DCAF5: variants seen among roughly 807,000 people sequenced by gnomAD.
DCAF5 encodes DDB1 and CUL4 associated factor 5.
A neutral mutation model predicts 80.7 loss-of-function variants in DCAF5; 9 were observed. That is an observed-to-expected ratio of 0.11 (90% CI 0.07 to 0.19). DCAF5 has a LOEUF of 0.19. Among genes scored for constraint, DCAF5 ranks in the 10% least tolerant of loss-of-function variants. The pLI, the probability that DCAF5 is intolerant of heterozygous loss-of-function variation, is 1.00. For missense variants in DCAF5, 842 were observed against 1,205.7 expected (o/e 0.70, Z 4.47); for synonymous variants, 433 against 461.9 (o/e 0.94, Z 0.80).
chr14:69,148,218 C>T (rs116864930), intron 1 of DCAF5, among the ~76,000 whole-genome samples: 2 of 151,560 alleles, frequency 1.3e-5, no homozygotes, highest in South Asian at 2.1e-4. Context: ...CAACCAAAGA[C>T]CTAAAGGGTA....
Position 69,080,562 on chromosome 14 carries a change from T to C in DCAF5, c.880-5151A>G, listed in dbSNP as rs73277022. Among the ~76,000 whole-genome samples, 1,045 of 152,306 alleles carry C rather than the reference T, an allele frequency of 6.9e-3. 13 individuals carry two copies. Among genetic ancestry groups the C allele is most frequent in the African/African-American group, 0.024 (1,002 of 41,550 alleles). ...TTTTCTCTCTGTCTTTTCTTTTATC[T>C]TGATGATCTAATTTCAAATAGTACC... On this transcript the variant is annotated intron_variant, in intron 6 of 8. Coordinates refer to ENST00000341516, the MANE Select transcript of DCAF5 (RefSeq NM_003861.3).
chr14:69,115,320 C>T (rs936345316), intron 5 of DCAF5, among the ~76,000 whole-genome samples: 4 of 152,136 alleles, frequency 2.6e-5, no homozygotes, highest in African/African-American at 9.7e-5. Flanking sequence ...CAGGGACACA[C>T]CTCTGGGCTA....
intron 1 of DCAF5, among the ~76,000 whole-genome samples, chr14:69,130,863 A>T (rs1231748707): frequency 1.3e-5 from 2 of 152,212 alleles, no homozygotes; most frequent in African/African-American, 2.4e-5. Flanking sequence ...GACTTGATTC[A>T]AATCTTGGTT....
rs755596230 is a variant in DCAF5 at position 69,122,243 on chromosome 14, C to T, written c.332G>A (p.Ser111Asn). 1.2e-6 allele frequency: 2 copies of T among 1,613,914 alleles called. No individual in the cohort carries two copies. Among genetic ancestry groups the T allele is most frequent in the South Asian group, 1.1e-5 (1 of 91,038 alleles). The change falls in exon 2 of 9, where the codon AGT (serine) becomes AAT (asparagine). Residue 111 changes from serine to asparagine, a missense_variant. Ser to Asn is a conservative substitution (Grantham distance 46). This residue lies in a region of DCAF5 where 142 missense variants were observed against 311.9 expected (regional missense o/e 0.46). Coordinates refer to ENST00000341516, the MANE Select transcript of DCAF5 (RefSeq NM_003861.3). The part of the protein sequence containing the change: ...HSNIFCLAFN[S>N]GNTKVFSGGN... ...TCCAGAGAACACTTTAGTGTTCCCA[C>T]TGTTGAAAGCCAGGCAAAAAATGTT...
chr14:69,085,986 TCA>T (rs2039303730), intron 6 of DCAF5, among the ~76,000 whole-genome samples: 1 of 152,332 alleles, frequency 6.6e-6, no homozygotes, highest in Admixed American at 6.5e-5. Flanking sequence ...ATTTGCCGTT[TCA>T]CACTACTGTC....
intron 1 of DCAF5, among the ~76,000 whole-genome samples, chr14:69,139,076 A>C (rs2041277814): frequency 6.6e-6 from 1 of 152,178 alleles, no homozygotes; most frequent in South Asian, 2.1e-4. Flanking sequence ...ACTTGAGCCA[A>C]GGAGGCAGAG....
intron 1 of DCAF5, among the ~76,000 whole-genome samples, chr14:69,148,898 A>G (rs2041624517): frequency 1.3e-5 from 2 of 152,216 alleles, no homozygotes; most frequent in Admixed American, 6.5e-5. Context: ...CTCAAATCAC[A>G]TGACATCAAA....
At chr14:69,119,939 A>C (rs1566772284) in intron 2 of DCAF5, among the ~76,000 whole-genome samples, 1 of 152,214 alleles carries the variant, frequency 6.6e-6, no homozygotes, top group Non-Finnish European at 1.5e-5. Context: ...ATAAGAGTAC[A>C]TCTGTAAAAG....
intron 1 of DCAF5, among the ~76,000 whole-genome samples, chr14:69,139,826 CAAAA>C (rs553940292): frequency 1.8e-5 from 1 of 55,328 alleles, no homozygotes; most frequent in Non-Finnish European, 3.5e-5. Context: ...GACCCTGTCT[CAAAA>C]AAAAAAAAAA....
intron 5 of DCAF5, among the ~76,000 whole-genome samples, chr14:69,102,273 T>C (rs963805130): frequency 6.6e-5 from 10 of 151,886 alleles, no homozygotes; most frequent in Non-Finnish European, 1.3e-4. Flanking sequence ...CATGCCCGGC[T>C]AATTTTTGTA....
chr14:69,087,760 T>C (rs1361703233), intron 6 of DCAF5, among the ~76,000 whole-genome samples: 1 of 152,148 alleles, frequency 6.6e-6, no homozygotes, highest in Non-Finnish European at 1.5e-5. Flanking sequence ...ATATATGCTC[T>C]CTTATTTTAA....
chr14:69,121,017 G>A (rs1216536176), intron 2 of DCAF5, among the ~76,000 whole-genome samples: 1 of 152,176 alleles, frequency 6.6e-6, no homozygotes, highest in East Asian at 1.9e-4. Context: ...GGGAATTGGT[G>A]GGGACTGGAC....
chr14:69,060,417 AC>A (rs2038161471), intron 8 of DCAF5, among the ~76,000 whole-genome samples: 1 of 152,210 alleles, frequency 6.6e-6, no homozygotes, highest in African/African-American at 2.4e-5. Context: ...TTCTAGCCCC[AC>A]GGGGAAATGT....
intron 1 of DCAF5, among the ~76,000 whole-genome samples, chr14:69,137,470 A>G (rs1366306208): frequency 6.6e-6 from 1 of 152,212 alleles, no homozygotes; most frequent in East Asian, 1.9e-4. Context: ...ACATAAGAAC[A>G]CTGCCTGCCT....
chr14:69,107,906 G>T (rs1173649967), intron 5 of DCAF5, among the ~76,000 whole-genome samples: 5 of 152,152 alleles, frequency 3.3e-5, no homozygotes, highest in African/African-American at 1.2e-4. Context: ...AGGCACTAGA[G>T]ATTAAAGATG....
chr14:69,054,409 C>T lies in DCAF5; in HGVS notation c.2277G>A (p.Glu759=). The change falls in exon 9 of 9, where the codon GAG becomes GAA. Residue 759 remains glutamate, a synonymous_variant. Coordinates refer to ENST00000341516, the MANE Select transcript of DCAF5 (RefSeq NM_003861.3). ...TATTGCCAGTGTCCTGAGAGGTACC[C>T]TCTGGCACCTCTGCCCAAGCATGGC... The part of the protein sequence containing the change: ...HSSHAWAEVP[E]GTSQDTGNSG... 1 of 1,614,064 alleles carries T rather than the reference C, an allele frequency of 6.2e-7. No homozygotes were observed. Among genetic ancestry groups the T allele is most frequent in the Non-Finnish European group, 8.5e-7 (1 of 1,180,040 alleles).
Position 69,055,492 on chromosome 14 carries a change from A to G in DCAF5, c.1194T>C (p.Ser398=). The stretch of plus-strand genomic sequence containing the variant: ...GGTTGGCGTAGTCATGCGACAGGCC[A>G]CTCCCACTGTTCAGCACAAGGCTGA... ...EYISLVLNSG[S]GLSHDYANQS... is the part of the protein sequence containing the mutation. The change falls in exon 9 of 9, where the codon AGT becomes AGC. Residue 398 remains serine (S), a synonymous_variant. Coordinates refer to ENST00000341516, the MANE Select transcript of DCAF5 (RefSeq NM_003861.3). This position sits in a 1 kb window ranked among gnomAD's most constrained non-coding sequence, Gnocchi z 5.6. 1 of 1,613,910 alleles carries G rather than the reference A, an allele frequency of 6.2e-7. No individual in the cohort carries two copies. Among genetic ancestry groups the G allele is most frequent in the Non-Finnish European group, 8.5e-7 (1 of 1,179,988 alleles).
intron 5 of DCAF5, among the ~76,000 whole-genome samples, chr14:69,112,983 G>C (rs552935806): frequency 6.6e-6 from 1 of 152,160 alleles, no homozygotes; most frequent in African/African-American, 2.4e-5. Flanking sequence ...CAATGAGGAA[G>C]TCTGATCATA....
intron 5 of DCAF5, among the ~76,000 whole-genome samples, chr14:69,106,771 G>A (rs1035117157): frequency 1.3e-5 from 2 of 152,192 alleles, no homozygotes; most frequent in Non-Finnish European, 2.9e-5. Flanking sequence ...TGGGCGCGGT[G>A]GCTCATGCCT....
Sources: gnomAD v4.1 joint callset for allele counts (sites outside exome capture counted in the v4.1 genomes callset) on GRCh38, gnomAD v4.1.1 for gene constraint, gnomAD v4.1.1 regional missense constraint, Gnocchi (gnomAD v3.1) non-coding constraint, MANE v1.5 for transcripts, NCBI Gene and HGNC (gene_info 2026-07-23, HGNC 2026-07-21) for gene names.